Variants in MYOM1 observed in about 807,000 individuals in gnomAD.
The protein encoded by MYOM1 is myomesin-1.
A neutral mutation model predicts 205.3 loss-of-function variants in MYOM1; 164 were observed. The observed-to-expected ratio is 0.80, with a 90% CI of 0.70 to 0.91. The LOEUF (loss-of-function observed/expected upper bound fraction) is 0.91. MYOM1 is among the 40% of genes least tolerant of loss of function. MYOM1 has a pLI of 0.00. For missense variants in MYOM1, 2,011 were observed against 2,127.3 expected, an observed-to-expected ratio of 0.95 and a Z score of 1.08; for synonymous variants, 772 against 789.4, an observed-to-expected ratio of 0.98 and a Z score of 0.37.
At chr18:3,115,197 C>T (rs1277837964) in intron 21 of MYOM1, among the ~76,000 whole-genome samples, 1 of 152,152 alleles carries the variant, frequency 6.6e-6, no homozygotes, top group African/African-American at 2.4e-5. Flanking sequence ...TCATAGGCTT[C>T]AGTCCTTCCT....
intron 10 of MYOM1, among the ~76,000 whole-genome samples, chr18:3,160,408 A>T (rs1229431245): frequency 6.6e-6 from 1 of 151,534 alleles, no homozygotes; most frequent in Admixed American, 6.6e-5. Context: ...CTGGTCTCAC[A>T]CTCCTGGGCT....
intron 1 of MYOM1, among the ~76,000 whole-genome samples, chr18:3,217,301 G>T (rs966376117): frequency 6.6e-6 from 1 of 152,258 alleles, no homozygotes; most frequent in African/African-American, 2.4e-5. Context: ...CACAGCTTTT[G>T]AAGTTAGAAC....
intron 6 of MYOM1, 62 bp from the exon 7 acceptor site, chr18:3,174,270 T>A (rs2080602804): frequency 7.0e-7 from 1 of 1,433,606 alleles, no homozygotes; most frequent in African/African-American, 1.4e-5. Flanking sequence ...TACTAGCTGT[T>A]CTATCAAGGA....
chr18:3,236,255 G>A, the MYOM1 span, among the ~76,000 whole-genome samples: 1 of 152,226 alleles, frequency 6.6e-6, no homozygotes, highest in Non-Finnish European at 1.5e-5. Flanking sequence ...GTGGAGAACA[G>A]ACTATAGGAA....
chr18:3,176,272 G>GTAAATCATA lies in MYOM1; in HGVS notation c.930-147_930-139dup, dbSNP rs2080639879. 3 of 584,320 alleles carry GTAAATCATA rather than the reference G, an allele frequency of 5.1e-6. No individual in the cohort carries two copies. The Admixed American group carries it at 8.4e-5, about 16-fold the overall frequency. The allele number at this position is 584,320 out of a possible 1,614,324, so 36.2% of individuals were successfully genotyped here. On this transcript the variant is annotated intron_variant, in intron 5 of 37. Coordinates refer to ENST00000356443, the MANE Select transcript of MYOM1 (RefSeq NM_003803.4). ...TAGCAGCAGCATCGATTAAATAAAT[G>GTAAATCATA]TAAATCATATTGGCTTACGTGAAGT...
At chr18:3,240,399 G>C in the MYOM1 span, among the ~76,000 whole-genome samples, 1 of 152,164 alleles carries the variant, frequency 6.6e-6, no homozygotes, top group African/African-American at 2.4e-5. Context: ...TCTTTCCCGT[G>C]CTGTTCTCAT....
In MYOM1 at chr18:3,135,819, A is replaced by C; in HGVS notation, c.2026-89T>G. On this transcript the variant is annotated intron_variant, in intron 14 of 37. Transcript: ENST00000356443. This position sits in a 1 kb window ranked among gnomAD's most constrained non-coding sequence, Gnocchi z 4.1. ...CAACTCCAAGTTTCATTCATCTGCA[A>C]CAAACCACTCCCTGTAATGCAAGCT... The C allele has an allele frequency of 7.1e-7, 1 of 1,401,412 alleles. No homozygotes were observed. The highest frequency in any genetic ancestry group is 1.3e-5 in the South Asian group (1 of 79,224). The allele number at this position is 1,401,412 out of a possible 1,614,324, so 86.8% of individuals were successfully genotyped here.
chr18:3,133,270 A>G (rs7506642), intron 16 of MYOM1, among the ~76,000 whole-genome samples: 82,869 of 151,888 alleles, frequency 0.55, 23,191 homozygotes, highest in East Asian at 0.91. Context: ...CGCAAAACCA[A>G]CTCATTCTGT....
intron 13 of MYOM1, among the ~76,000 whole-genome samples, chr18:3,146,639 T>C (rs1202545616): frequency 6.6e-6 from 1 of 152,072 alleles, no homozygotes; most frequent in Non-Finnish European, 1.5e-5. Context: ...AGGATAGCTA[T>C]ACAAAACCTA....
At chr18:3,223,119 A>G (rs539038416), upstream of MYOM1, among the ~76,000 whole-genome samples, 2 of 152,254 alleles carry the variant, frequency 1.3e-5, no homozygotes, top group South Asian at 4.1e-4. Flanking sequence ...GAGTTCAAGC[A>G]ATCTGCCTGC....
chr18:3,180,233 T>A (rs2080710126), intron 5 of MYOM1, among the ~76,000 whole-genome samples: 1 of 152,194 alleles, frequency 6.6e-6, no homozygotes, highest in Non-Finnish European at 1.5e-5. Context: ...AGCACCCTAA[T>A]ACCTTTTCCC....
chr18:3,077,186 A>C (rs367845165), intron 34 of MYOM1, among the ~76,000 whole-genome samples: 8 of 149,318 alleles, frequency 5.4e-5, no homozygotes, highest in African/African-American at 2.0e-4. Flanking sequence ...CTATTTTTAC[A>C]TTTTTTTTAT....
chr18:3,189,174 C>A lies in MYOM1; in HGVS notation c.432-87G>T. The A allele has an allele frequency of 7.9e-7, 1 of 1,259,508 alleles. No individual in the cohort carries two copies. Among genetic ancestry groups the A allele is most frequent in the South Asian group, 1.4e-5 (1 of 70,602 alleles). The allele number at this position is 1,259,508 out of a possible 1,614,324, so 78.0% of individuals were successfully genotyped here. A position where few individuals can be genotyped will look rare whatever the true frequency, so the allele number is the denominator to read the frequency against. ...TTACTAAGTTCAAAGTACCACATCT[C>A]AGACACTGTATCCTGCACCAAAAGA... On this transcript the variant is annotated intron_variant, in intron 3 of 37. Transcript: ENST00000356443. This position sits in a 1 kb window ranked among gnomAD's most constrained non-coding sequence, Gnocchi z 4.8.
At chr18:3,083,395 C>A (rs373803835) in intron 33 of MYOM1, among the ~76,000 whole-genome samples, 1 of 140,080 alleles carries the variant, frequency 7.1e-6, no homozygotes, top group East Asian at 2.1e-4. Flanking sequence ...ATTTCTTTTT[C>A]TTTCTTTCTT....
chr18:3,221,521 G>A (rs2081329741), upstream of MYOM1, among the ~76,000 whole-genome samples: 1 of 152,162 alleles, frequency 6.6e-6, no homozygotes, highest in African/African-American at 2.4e-5. Context: ...CTTCCAGAAG[G>A]GAAGGCATTT....
At chr18:3,096,672 G>A (rs6506056) in intron 25 of MYOM1, among the ~76,000 whole-genome samples, 135,425 of 152,114 alleles carry the variant, frequency 0.89, 60,441 homozygotes, top group Admixed American at 0.93. Flanking sequence ...CAACATATCT[G>A]TATTTATGTA....
At chr18:3,077,013 T>G (rs930233645) in intron 34 of MYOM1, among the ~76,000 whole-genome samples, 26 of 150,274 alleles carry the variant, frequency 1.7e-4, no homozygotes, top group African/African-American at 6.4e-4. Flanking sequence ...CTCCCAGCCT[T>G]GTTTTTTTTT....
chr18:3,193,379 C>CA (rs1161441838), intron 3 of MYOM1, among the ~76,000 whole-genome samples: 3 of 149,356 alleles, frequency 2.0e-5, no homozygotes. Flanking sequence ...CACACACACA[C>CA]ACAATAATAA....
At chr18:3,075,037 C>T (rs376783935) in intron 36 of MYOM1, among the ~76,000 whole-genome samples, 80 of 152,108 alleles carry the variant, frequency 5.3e-4, no homozygotes, top group East Asian at 1.2e-3. Context: ...TCAGGTGATC[C>T]GCCCACCTCG....
Sources: allele counts gnomAD v4.1 joint callset (sites outside exome capture counted in the v4.1 genomes callset), GRCh38; gene constraint gnomAD v4.1.1; non-coding constraint Gnocchi (gnomAD v3.1); transcripts MANE v1.5; gene names NCBI Gene and HGNC (gene_info 2026-07-23, HGNC 2026-07-21).